Variants in ANOS1 observed in about 807,000 individuals in gnomAD.
ANOS1 encodes the protein anosmin 1.
ANOS1 carries 6 observed loss-of-function variants against 59.0 expected under a neutral mutation model. That is an observed-to-expected ratio of 0.10 (90% CI 0.06 to 0.20). The LOEUF (loss-of-function observed/expected upper bound fraction) is 0.20. ANOS1 is among the 10% of genes least tolerant of loss of function. The pLI, the probability that ANOS1 is intolerant of heterozygous loss-of-function variation, is 1.00. For missense variants in ANOS1, 433 were observed against 542.3 expected (o/e 0.80, Z 2.00); for synonymous variants, 217 against 223.4 (o/e 0.97, Z 0.25).
At chrX:8,587,713 T>C in intron 5 of ANOS1, 81 bp downstream of exon 5, 1 of 750,106 alleles carries the variant, frequency 1.3e-6, no homozygotes, top group Non-Finnish European at 2.0e-6. Flanking sequence ...TTTTGAGGCA[T>C]AGCAAGTTAA....
intron 8 of ANOS1, among the ~76,000 whole-genome samples, 175 bp downstream of exon 8, chrX:8,568,057 A>G (rs910530930): frequency 1.8e-5 from 2 of 112,317 alleles, no homozygotes; most frequent in Non-Finnish European, 3.8e-5. Context: ...AGAATTCAAA[A>G]GTCAAACTGT....
chrX:8,591,243 T>C (rs1366656656), intron 4 of ANOS1, among the ~76,000 whole-genome samples: 1 of 111,450 alleles, frequency 9.0e-6, no homozygotes, highest in Non-Finnish European at 1.9e-5. Context: ...GCCAGACAAA[T>C]AGTTCTACCG....
intron 3 of ANOS1, among the ~76,000 whole-genome samples, chrX:8,607,054 T>C (rs1484039201): frequency 9.0e-6 from 1 of 111,119 alleles, no homozygotes; most frequent in Admixed American, 9.6e-5. Flanking sequence ...GAGACGGAGG[T>C]TGCAGTGAGC....
chrX:8,690,756 C>G (rs1024508502), intron 2 of ANOS1, among the ~76,000 whole-genome samples: 1 of 112,029 alleles, frequency 8.9e-6, no homozygotes, highest in African/African-American at 3.2e-5. Context: ...CAATCTTCCT[C>G]ACCTCTAAAC....
At chrX:8,685,508 GAGAA>G (rs1393749079) in intron 2 of ANOS1, among the ~76,000 whole-genome samples, 30 of 102,000 alleles carry the variant, frequency 2.9e-4, no homozygotes, top group African/African-American at 1.0e-3. Context: ...AGAAGAGAAA[GAGAA>G]AGAAAGAGAA....
At chrX:8,580,488 T>C in intron 6 of ANOS1, among the ~76,000 whole-genome samples, 1 of 112,241 alleles carries the variant, frequency 8.9e-6, no homozygotes. Flanking sequence ...GAAACTAATT[T>C]ACTAATCTAT....
intron 2 of ANOS1, among the ~76,000 whole-genome samples, chrX:8,696,573 C>T (rs185222116): frequency 8.9e-6 from 1 of 112,740 alleles, no homozygotes; most frequent in East Asian, 2.8e-4. Flanking sequence ...ACTCAGTAAA[C>T]TACACATTTA....
chrX:8,581,849 A>G (rs963020028), intron 6 of ANOS1, among the ~76,000 whole-genome samples: 3 of 112,416 alleles, frequency 2.7e-5, no homozygotes, highest in Non-Finnish European at 5.6e-5. Flanking sequence ...TTGTGTAACT[A>G]TCACCATCAC....
At chrX:8,620,839 A>T (rs957336660) in intron 3 of ANOS1, among the ~76,000 whole-genome samples, 8 of 111,999 alleles carry the variant, frequency 7.1e-5, no homozygotes, top group Non-Finnish European at 1.3e-4. Flanking sequence ...GATCACATTC[A>T]AACACCTGAG....
At chrX:8,556,712 T>C (rs1929955203) in intron 8 of ANOS1, among the ~76,000 whole-genome samples, 1 of 112,074 alleles carries the variant, frequency 8.9e-6, no homozygotes, top group East Asian at 2.8e-4. Flanking sequence ...TCCATGCACA[T>C]GGATAGGAAG....
chrX:8,567,613 G>C (rs113657535), intron 8 of ANOS1, among the ~76,000 whole-genome samples: 1 of 111,601 alleles, frequency 9.0e-6, no homozygotes, highest in Non-Finnish European at 1.9e-5. Flanking sequence ...GGCCAACATG[G>C]TGAAACCCTG....
intron 2 of ANOS1, among the ~76,000 whole-genome samples, chrX:8,673,963 T>C (rs1932295778): frequency 9.0e-6 from 1 of 111,084 alleles, no homozygotes; most frequent in South Asian, 3.8e-4. Context: ...CACTAAGCTC[T>C]TTATCCCAGA....
At chrX:8,554,742 AC>A (rs1929922343) in intron 8 of ANOS1, among the ~76,000 whole-genome samples, 1 of 108,398 alleles carries the variant, frequency 9.2e-6, no homozygotes, top group South Asian at 4.1e-4. Flanking sequence ...GTTCTTAGAG[AC>A]CTACAAAGAC....
chrX:8,728,606 AT>A (rs1932941323), intron 1 of ANOS1, among the ~76,000 whole-genome samples: 1 of 111,854 alleles, frequency 8.9e-6, no homozygotes, highest in Non-Finnish European at 1.9e-5. Context: ...CTAACCGCAC[AT>A]ATGTATTCTA....
intron 1 of ANOS1, among the ~76,000 whole-genome samples, chrX:8,724,431 C>T (rs780745396): frequency 2.7e-5 from 3 of 112,189 alleles, no homozygotes; most frequent in Non-Finnish European, 5.6e-5. Context: ...GGGCTCTCAG[C>T]CAGAGCCCTG....
At chrX:8,622,951 GATAGATAGACAA>G (rs1392739625) in intron 3 of ANOS1, among the ~76,000 whole-genome samples, 1 of 111,722 alleles carries the variant, frequency 9.0e-6, no homozygotes, top group Non-Finnish European at 1.9e-5. Context: ...TGAATGGATG[GATAGATAGACAA>G]ATAGATATAG....
At chrX:8,608,155 G>A (rs1245742248) in intron 3 of ANOS1, among the ~76,000 whole-genome samples, 7 of 111,680 alleles carry the variant, frequency 6.3e-5, no homozygotes, top group African/African-American at 2.3e-4. Context: ...AATATTAAAG[G>A]AAGATAAAAT....
At chrX:8,729,491 C>CGGG (rs893359155) in intron 1 of ANOS1, among the ~76,000 whole-genome samples, 2 of 95,947 alleles carry the variant, frequency 2.1e-5, no homozygotes, top group African/African-American at 7.9e-5. Flanking sequence ...CGCTGCCTCC[C>CGGG]GGGTTCAAGG....
In ANOS1 at chrX:8,623,597, C is replaced by T. The variant is rs752221629; in HGVS notation, c.318+11G>A. The T allele has an allele frequency of 3.7e-5, 44 of 1,187,636 alleles. No homozygotes were observed. The highest frequency in any genetic ancestry group is 8.8e-5 in the African/African-American group (5 of 57,022). On this transcript the variant is annotated intron_variant, in intron 3 of 13. Transcript: ENST00000262648. ...GGTCAAGTGTTTTAAGTACCACTGA[C>T]GTTCTCCTACCTCACAAAAGCTTTG... is the stretch of plus-strand genomic sequence containing the variant.
Sources: gnomAD v4.1 joint callset for allele counts (sites outside exome capture counted in the v4.1 genomes callset) on GRCh38, gnomAD v4.1.1 for gene constraint, MANE v1.5 for transcripts, NCBI Gene and HGNC (gene_info 2026-07-23, HGNC 2026-07-21) for gene names.